The following SH3PXD2A variants were observed in gnomAD, a reference collection of about 807,000 sequenced individuals.
SH3PXD2A encodes the protein SH3 and PX domain-containing protein 2A.
SH3PXD2A carries 32 observed loss-of-function variants against 115.2 expected under a neutral mutation model. That is an observed-to-expected ratio of 0.28 (90% CI 0.21 to 0.37). SH3PXD2A has a LOEUF of 0.37. SH3PXD2A is among the 10% of genes least tolerant of loss of function. The pLI, the probability that SH3PXD2A is intolerant of heterozygous loss-of-function variation, is 1.00. For missense variants in SH3PXD2A, 1,328 were observed against 1,498.7 expected, an observed-to-expected ratio of 0.89 and a Z score of 1.88; for synonymous variants, 610 against 629.1, an observed-to-expected ratio of 0.97 and a Z score of 0.45.
chr10:103,801,439 G>T lies in SH3PXD2A; in HGVS notation c.73-77C>A, dbSNP rs888300165. The T allele has an allele frequency of 1.6e-5, 14 of 874,594 alleles. No individual in the cohort carries two copies. In the African/African-American group the frequency reaches 2.1e-4, roughly 13 times the overall value. The allele number at this position is 874,594 out of a possible 1,614,324, so 54.2% of individuals were successfully genotyped here. A position where few individuals can be genotyped will look rare whatever the true frequency, so the allele number is the denominator to read the frequency against. On this transcript the variant is annotated intron_variant, in intron 1 of 14. Coordinates refer to ENST00000369774, the MANE Select transcript of SH3PXD2A (RefSeq NM_001394015.1). ...GTGCCAGGCATCATGTAACATGACTGCAGGTGTTCCATATGGCAGGACCAC... is the reference window on the plus strand; with the variant it reads ...GTGCCAGGCATCATGTAACATGACTTCAGGTGTTCCATATGGCAGGACCAC...
At chr10:103,795,860 GGA>G (rs966418555) in intron 2 of SH3PXD2A, among the ~76,000 whole-genome samples, 1 of 148,898 alleles carries the variant, frequency 6.7e-6, no homozygotes, top group African/African-American at 2.5e-5. Flanking sequence ...ATGGGAAGAA[GGA>G]AAGAAGGAAG....
At chr10:103,739,389 G>A (rs898590521) in intron 3 of SH3PXD2A, among the ~76,000 whole-genome samples, 6 of 152,152 alleles carry the variant, frequency 3.9e-5, no homozygotes, top group East Asian at 1.9e-4. Context: ...CCCCTTTCCC[G>A]CTGAAATCCT....
chr10:103,787,796 T>C (rs1233993278), intron 2 of SH3PXD2A, among the ~76,000 whole-genome samples: 1 of 152,052 alleles, frequency 6.6e-6, no homozygotes, highest in South Asian at 2.1e-4. Flanking sequence ...ACAAAAAAAA[T>C]CTTTTTGAAC....
At chr10:103,768,149 T>C (rs575408406) in intron 2 of SH3PXD2A, among the ~76,000 whole-genome samples, 7 of 152,230 alleles carry the variant, frequency 4.6e-5, no homozygotes, top group African/African-American at 7.2e-5. Flanking sequence ...GTAAAGAAAA[T>C]AGACAAAGTT....
chr10:103,595,827 A>C lies in SH3PXD2A; in HGVS notation c.*5989T>G, dbSNP rs1402927300. On this transcript the variant is annotated 3_prime_UTR_variant, in exon 15 of 15. Coordinates refer to ENST00000369774, the MANE Select transcript of SH3PXD2A (RefSeq NM_001394015.1). ...AAGACCTTGGAAGGTAGGGCTCTCC[A>C]CCCAGTCTGTAAGCACCAGTGTGCC... is the stretch of plus-strand genomic sequence containing the variant. 1.3e-5 allele frequency: 2 copies of C among 152,624 alleles called. No individual in the cohort carries two copies. Among genetic ancestry groups the C allele is most frequent in the Non-Finnish European group, 2.9e-5 (2 of 68,040 alleles). The allele number at this position is 152,624 out of a possible 1,614,324, so 9.5% of individuals were successfully genotyped here.
intron 2 of SH3PXD2A, among the ~76,000 whole-genome samples, chr10:103,777,793 C>T (rs1379000674): frequency 6.6e-6 from 1 of 152,190 alleles, no homozygotes; most frequent in African/African-American, 2.4e-5. Flanking sequence ...CAGTTCTAGC[C>T]TGCAAGAAGT....
chr10:103,631,008 C>T (rs1478720794), intron 8 of SH3PXD2A, among the ~76,000 whole-genome samples: 1 of 152,000 alleles, frequency 6.6e-6, no homozygotes, highest in Non-Finnish European at 1.5e-5. Flanking sequence ...CATTTTTTTC[C>T]TATACATACA....
At chr10:103,759,711 G>A (rs1328939102) in intron 3 of SH3PXD2A, among the ~76,000 whole-genome samples, 1 of 152,132 alleles carries the variant, frequency 6.6e-6, no homozygotes, top group Non-Finnish European at 1.5e-5. Flanking sequence ...CAGCAAACTC[G>A]GGATACACAG....
intron 9 of SH3PXD2A, among the ~76,000 whole-genome samples, chr10:103,623,548 A>T (rs558965357): frequency 6.6e-6 from 1 of 152,094 alleles, no homozygotes; most frequent in South Asian, 2.1e-4. Context: ...GTGAAAATAA[A>T]ACCGTCCCAG....
rs998672979 is a variant in SH3PXD2A, at chr10:103,620,087, C to T, written c.802+2383G>A. On this transcript the variant is annotated intron_variant, in intron 10 of 14. Coordinates refer to ENST00000369774, the MANE Select transcript of SH3PXD2A (RefSeq NM_001394015.1). The surrounding 1 kb of genome is among the most constrained non-coding windows in gnomAD (Gnocchi z 5.3). ...ACAAACCCCATCTGGGGGCGCCAGACAAGAGGAGGCCCAGACAGACGGACA... is the reference window on the plus strand; with the variant it reads ...ACAAACCCCATCTGGGGGCGCCAGATAAGAGGAGGCCCAGACAGACGGACA... Among the ~76,000 whole-genome samples the T allele has an allele frequency of 1.3e-5, 2 of 152,222 alleles. No homozygotes were observed. The highest frequency in any genetic ancestry group is 2.9e-5 in the Non-Finnish European group (2 of 68,038).
intron 8 of SH3PXD2A, among the ~76,000 whole-genome samples, chr10:103,652,113 C>G (rs974731631): frequency 6.6e-6 from 1 of 152,224 alleles, no homozygotes; most frequent in African/African-American, 2.4e-5. Context: ...TCAGGGGAGG[C>G]AAACGAACTT....
chr10:103,710,231 A>C (rs1019082397), intron 5 of SH3PXD2A, among the ~76,000 whole-genome samples: 1 of 151,904 alleles, frequency 6.6e-6, no homozygotes, highest in African/African-American at 2.4e-5. Context: ...TGCCTTTGCC[A>C]AAAATACAAA....
chr10:103,853,067 T>C (rs1010670820), intron 1 of SH3PXD2A, among the ~76,000 whole-genome samples: 3 of 152,204 alleles, frequency 2.0e-5, no homozygotes, highest in Non-Finnish European at 4.4e-5. Flanking sequence ...AGTTCAGAAC[T>C]CTGCATGGCC....
chr10:103,787,931 T>C (rs1027187855), intron 2 of SH3PXD2A, among the ~76,000 whole-genome samples: 14 of 152,166 alleles, frequency 9.2e-5, no homozygotes, highest in Admixed American at 6.5e-5. Context: ...CAAGGCTCCA[T>C]AATTAGCAGA....
At chr10:103,725,663 C>T (rs184982457) in intron 4 of SH3PXD2A, among the ~76,000 whole-genome samples, 12 of 151,820 alleles carry the variant, frequency 7.9e-5, no homozygotes, top group East Asian at 5.8e-4. Context: ...CCCGTCTCTA[C>T]GAAAAATACA....
chr10:103,678,979 T>C (rs1382698972), intron 6 of SH3PXD2A, among the ~76,000 whole-genome samples: 2 of 152,134 alleles, frequency 1.3e-5, no homozygotes, highest in East Asian at 3.8e-4. Context: ...TCCAGGGCTA[T>C]GAAAGAGATG....
intron 3 of SH3PXD2A, among the ~76,000 whole-genome samples, chr10:103,763,542 G>GCTGGGGGTGAGC (rs2134220409): frequency 6.6e-6 from 1 of 152,358 alleles, no homozygotes; most frequent in South Asian, 2.1e-4. Context: ...AGTCACTGCT[G>GCTGGGGGTGAGC]CTGGGGGTGA....
intron 9 of SH3PXD2A, among the ~76,000 whole-genome samples, chr10:103,624,209 G>A (rs947003930): frequency 1.3e-5 from 2 of 152,258 alleles, no homozygotes; most frequent in Non-Finnish European, 2.9e-5. Flanking sequence ...GGGGATGTGG[G>A]GAGGGAACAG....
chr10:103,710,855 G>A (rs757248487), intron 5 of SH3PXD2A, among the ~76,000 whole-genome samples: 4 of 152,078 alleles, frequency 2.6e-5, no homozygotes, highest in East Asian at 1.9e-4. Context: ...CAACAACATA[G>A]CAAGACCCAA....
Sources: gnomAD v4.1 joint callset for allele counts (sites outside exome capture counted in the v4.1 genomes callset) on GRCh38, gnomAD v4.1.1 for gene constraint, Gnocchi (gnomAD v3.1) non-coding constraint, MANE v1.5 for transcripts, NCBI Gene and HGNC (gene_info 2026-07-23, HGNC 2026-07-21) for gene names.